The following RPTOR variants were observed in gnomAD, a reference collection of about 807,000 sequenced individuals.
RPTOR encodes regulatory-associated protein of mTOR.
In RPTOR, 21 loss-of-function variants were observed where a neutral mutation model predicts 169.9. That is an observed-to-expected ratio of 0.12 (90% CI 0.09 to 0.18). The LOEUF is 0.18. Ranked by LOEUF, RPTOR falls within the 10% of genes least tolerant of loss-of-function variation. The pLI, the probability that RPTOR is intolerant of heterozygous loss-of-function variation, is 1.00. For synonymous variants in RPTOR, 732 were observed against 753.2 expected, an observed-to-expected ratio of 0.97 and a Z score of 0.46; for missense variants, 1,133 against 1,855.9, an observed-to-expected ratio of 0.61 and a Z score of 7.16.
chr17:80,762,125 T>C (rs561487649), intron 6 of RPTOR, among the ~76,000 whole-genome samples: 3 of 152,328 alleles, frequency 2.0e-5, no homozygotes, highest in South Asian at 4.1e-4. Flanking sequence ...TCAATTAAGA[T>C]GAATATCATA....
chr17:80,962,349 AGT>A, intron 31 of RPTOR, 110 bp from the exon 32 acceptor site: 1 of 825,066 alleles, frequency 1.2e-6, no homozygotes, highest in Non-Finnish European at 2.0e-6. Flanking sequence ...TTCCTTGAGC[AGT>A]GTGTGTGCAA....
intron 1 of RPTOR, among the ~76,000 whole-genome samples, chr17:80,558,442 G>T (rs1390698909): frequency 2.0e-5 from 3 of 152,040 alleles, no homozygotes; most frequent in African/African-American, 7.2e-5. Flanking sequence ...CCCAGCTGTC[G>T]GTATATTTTT....
rs905672527 is a variant in RPTOR, at chr17:80,820,994, C to T, written c.891-1207C>T. Among the ~76,000 whole-genome samples the T allele has an allele frequency of 4.6e-5, 7 of 152,246 alleles. No individual in the cohort carries two copies. The highest frequency in any genetic ancestry group is 1.7e-4 in the African/African-American group (7 of 41,454). On this transcript the variant is annotated intron_variant, in intron 7 of 33. Coordinates refer to ENST00000306801, the MANE Select transcript of RPTOR (RefSeq NM_020761.3). The surrounding 1 kb of genome is among the most constrained non-coding windows in gnomAD (Gnocchi z 4.1). ...CGGCATTGTTTGAGCAGCAGTGCTGCTTTAGAATATTATACTAACTTCTCA... is the reference window on the plus strand; with the variant it reads ...CGGCATTGTTTGAGCAGCAGTGCTGTTTTAGAATATTATACTAACTTCTCA...
At chr17:80,946,619 C>A (rs2069107142) in intron 26 of RPTOR, among the ~76,000 whole-genome samples, 1 of 152,256 alleles carries the variant, frequency 6.6e-6, no homozygotes, top group Non-Finnish European at 1.5e-5. Flanking sequence ...AGCGCAGTGT[C>A]TTTAAGGTTC....
At chr17:80,903,657 TAC>T (rs1385952862) in intron 20 of RPTOR, among the ~76,000 whole-genome samples, 1 of 152,224 alleles carries the variant, frequency 6.6e-6, no homozygotes, top group Non-Finnish European at 1.5e-5. Flanking sequence ...TACCTAGAAC[TAC>T]AGTTTCCTTC....
At chr17:80,586,798 A>C (rs553309042) in intron 1 of RPTOR, among the ~76,000 whole-genome samples, 6 of 152,374 alleles carry the variant, frequency 3.9e-5, no homozygotes, top group Admixed American at 3.3e-4. Context: ...GGTCTGGACC[A>C]AACGTCTGAT....
intron 1 of RPTOR, among the ~76,000 whole-genome samples, chr17:80,559,941 G>T (rs1232187307): frequency 2.6e-5 from 4 of 152,214 alleles, no homozygotes; most frequent in Non-Finnish European, 5.9e-5. Flanking sequence ...GGCTCATGCT[G>T]TCTAGAAATG....
chr17:80,863,481 A>G (rs2067943901), intron 13 of RPTOR, among the ~76,000 whole-genome samples: 2 of 152,194 alleles, frequency 1.3e-5, no homozygotes, highest in African/African-American at 4.8e-5. Context: ...TTAGAAGTCT[A>G]CTCTACATAT....
rs546726248 is a variant in RPTOR, at chr17:80,610,478, A to T, written c.163-15213A>T. Among the ~76,000 whole-genome samples, 8 of 152,230 alleles carry T rather than the reference A, an allele frequency of 5.3e-5. No individual in the cohort carries two copies. The East Asian group carries it at 1.5e-3, about 29-fold the overall frequency. On this transcript the variant is annotated intron_variant, in intron 1 of 33. Coordinates refer to ENST00000306801, the MANE Select transcript of RPTOR (RefSeq NM_020761.3). ...AGATGCTGCCTGCTGTCTCCATGGT[A>T]TGGGCAGGTAATGGTGCAGGGGGCG...
At chr17:80,664,834 T>G (rs2143657630) in intron 3 of RPTOR, among the ~76,000 whole-genome samples, 1 of 152,326 alleles carries the variant, frequency 6.6e-6, no homozygotes, top group East Asian at 1.9e-4. Flanking sequence ...AGGAGTTGGA[T>G]TTTTTCTTAC....
At chr17:80,813,549 C>A (rs530071761) in intron 7 of RPTOR, among the ~76,000 whole-genome samples, 155 of 152,182 alleles carry the variant, frequency 1.0e-3, no homozygotes, top group Non-Finnish European at 1.8e-3. Flanking sequence ...ACTCCAGCCC[C>A]CACTGTGGAG....
chr17:80,735,891 G>C (rs1388500725), intron 5 of RPTOR, among the ~76,000 whole-genome samples: 1 of 152,154 alleles, frequency 6.6e-6, no homozygotes, highest in Non-Finnish European at 1.5e-5. Context: ...GTTCAGCCCT[G>C]GCCGGTGCGG....
At chr17:80,574,340 A>AT (rs60843779) in intron 1 of RPTOR, among the ~76,000 whole-genome samples, 2 of 144,256 alleles carry the variant, frequency 1.4e-5, no homozygotes, top group Admixed American at 6.9e-5. Flanking sequence ...AATTTTTTGT[A>AT]TTTTTTTAGT....
intron 21 of RPTOR, among the ~76,000 whole-genome samples, chr17:80,913,721 A>G (rs1376679904): frequency 5.5e-4 from 83 of 152,230 alleles, no homozygotes; most frequent in South Asian, 3.7e-3. Context: ...CCAAAATGCC[A>G]GGATTACAGG....
chr17:80,557,265 TA>T (rs2143236670), intron 1 of RPTOR, among the ~76,000 whole-genome samples: 1 of 152,258 alleles, frequency 6.6e-6, no homozygotes, highest in East Asian at 1.9e-4. Context: ...CAAATGACTT[TA>T]AAAAGGAATT....
intron 1 of RPTOR, among the ~76,000 whole-genome samples, chr17:80,556,821 C>T (rs1012484147): frequency 2.6e-5 from 4 of 151,304 alleles, no homozygotes; most frequent in South Asian, 2.1e-4. Flanking sequence ...TGGCCAGGCA[C>T]GGTGGCTCAC....
chr17:80,877,171 G>A (rs567236902), intron 13 of RPTOR, among the ~76,000 whole-genome samples: 3 of 152,314 alleles, frequency 2.0e-5, no homozygotes, highest in Admixed American at 6.5e-5. Flanking sequence ...TCTGTTTAAC[G>A]AGGCCCTTGG....
chr17:80,916,575 A>AGT (rs1240911001), intron 21 of RPTOR, among the ~76,000 whole-genome samples: 1 of 152,262 alleles, frequency 6.6e-6, no homozygotes, highest in Non-Finnish European at 1.5e-5. Flanking sequence ...TAACAAGCCC[A>AGT]GTGGGTCCAA....
rs746905057 is a variant in RPTOR at position 80,923,564 on chromosome 17, A to G, written c.2699A>G (p.Asp900Gly). 6.2e-7 allele frequency: 1 copy of G among 1,613,508 alleles called. No homozygotes were observed. The highest frequency in any genetic ancestry group is 8.5e-7 in the Non-Finnish European group (1 of 1,179,994). The change falls in exon 23 of 34, where the codon GAC becomes GGC. Residue 900 changes from aspartate to glycine, a missense_variant. Physicochemically the swap from Asp to Gly is moderately conservative, Grantham distance 94 (BLOSUM62 -1). Around this residue, in one of 9 missense-constraint regions of RPTOR, gnomAD observed 123 missense variants for 129.0 expected, o/e 0.95. Transcript: ENST00000306801. ...GTGGCCAAGCAGCCGGTCAGCCGAG[A>G]CTTGCCTTCTGGCCGGCCGGGCACC... is the stretch of plus-strand genomic sequence containing the variant. Reference protein sequence around the residue: ...NDVAKQPVSRDLPSGRPGTTG... With the variant: ...NDVAKQPVSRGLPSGRPGTTG...
Sources: gnomAD v4.1 joint callset for allele counts (sites outside exome capture counted in the v4.1 genomes callset) on GRCh38, gnomAD v4.1.1 for gene constraint, gnomAD v4.1.1 regional missense constraint, Gnocchi (gnomAD v3.1) non-coding constraint, MANE v1.5 for transcripts, NCBI Gene and HGNC (gene_info 2026-07-23, HGNC 2026-07-21) for gene names.